The following NID2 variants were observed in gnomAD, a reference collection of about 807,000 sequenced individuals.
NID2 encodes nidogen-2.
A neutral mutation model predicts 145.4 loss-of-function variants in NID2; 83 were observed. The ratio of observed to expected loss-of-function variants is 0.57; its 90% CI spans 0.48 to 0.69. The LOEUF (loss-of-function observed/expected upper bound fraction) is 0.69. Among genes scored for constraint, NID2 ranks in the 30% least tolerant of loss-of-function variants. NID2 has a pLI of 0.00. For synonymous variants in NID2, 739 were observed against 701.3 expected (o/e 1.05, Z -0.85); for missense variants, 1,807 against 1,765.7 (o/e 1.02, Z -0.42).
intron 7 of NID2, 72 bp from the exon 8 acceptor site, chr14:52,040,923 C>T (rs561301533): frequency 1.7e-5 from 22 of 1,325,502 alleles, no homozygotes; most frequent in East Asian, 9.2e-5. Flanking sequence ...ATATACTGCC[C>T]GCTCCCAATT....
chr14:52,014,046 A>G (rs1372331196), intron 16 of NID2: 2 of 568,754 alleles, frequency 3.5e-6, no homozygotes, highest in Non-Finnish European at 6.3e-6. Context: ...TTCCCTTTCC[A>G]TATTATCTGA....
At chr14:52,054,393 G>A (rs557659911) in intron 3 of NID2, 72 bp from the exon 4 acceptor site, 41 of 1,449,304 alleles carry the variant, frequency 2.8e-5, no homozygotes, top group African/African-American at 4.2e-5. Flanking sequence ...CCTAGAAGGT[G>A]AACAACTTAT....
At chr14:52,027,056 G>A (rs1010335802) in intron 12 of NID2, 145 bp downstream of exon 12, 8 of 775,852 alleles carry the variant, frequency 1.0e-5, no homozygotes, top group Non-Finnish European at 1.3e-5. Context: ...TAACTCAAAG[G>A]ACGCTTTTTT....
chr14:52,008,618 A>G (rs1326485677), intron 18 of NID2: 1 of 152,210 alleles, frequency 6.6e-6, no homozygotes, highest in Non-Finnish European at 1.5e-5. Flanking sequence ...AGTCATTACT[A>G]AGTTACTATC....
At chr14:52,034,051 G>C (rs1384835930) in intron 9 of NID2, among the ~76,000 whole-genome samples, 1 of 152,144 alleles carries the variant, frequency 6.6e-6, no homozygotes, top group African/African-American at 2.4e-5. Flanking sequence ...TCATTGTGGG[G>C]ATTAAATGAG....
intron 14 of NID2, 48 bp from the exon 15 acceptor site, chr14:52,015,323 C>T (rs760237707): frequency 1.3e-6 from 2 of 1,541,166 alleles, no homozygotes; most frequent in Non-Finnish European, 8.9e-7. Context: ...GATTGTGAGT[C>T]AAGGACAGAA....
intron 13 of NID2, among the ~76,000 whole-genome samples, 160 bp from the exon 14 acceptor site, chr14:52,019,454 C>T (rs1442099985): frequency 6.6e-6 from 1 of 152,188 alleles, no homozygotes; most frequent in Non-Finnish European, 1.5e-5. Context: ...CATTTCTCTC[C>T]AGTTCTTCTA....
In NID2 at chr14:52,067,936, G is replaced by A; in HGVS notation, c.456C>T (p.Pro152=). ...CCCAGGTGGCCAGGAAGGCGTGGGT[G>A]GGGGTAAAGCGCGCAGAGCGCGGGA... is the stretch of plus-strand genomic sequence containing the variant. ...AGFPRSARFT[P]THAFLATWEQ... The change falls in exon 2 of 22, where the codon CCC becomes CCT. Residue 152 remains proline (P), a synonymous_variant. Coordinates refer to ENST00000216286, the MANE Select transcript of NID2 (RefSeq NM_007361.4). The A allele has an allele frequency of 1.2e-6, 2 of 1,612,176 alleles. No individual in the cohort carries two copies. Among genetic ancestry groups the A allele is most frequent in the Non-Finnish European group, 1.7e-6 (2 of 1,179,492 alleles).
intron 9 of NID2, among the ~76,000 whole-genome samples, chr14:52,030,903 G>T (rs1167916275): frequency 6.6e-6 from 1 of 152,166 alleles, no homozygotes; most frequent in Non-Finnish European, 1.5e-5. Context: ...GAGCATTTAT[G>T]TGTGAGGCAT....
At chr14:52,052,499 G>A (rs555797049) in intron 5 of NID2, among the ~76,000 whole-genome samples, 6 of 152,346 alleles carry the variant, frequency 3.9e-5, no homozygotes, top group African/African-American at 1.4e-4. Context: ...CACCCAGCAA[G>A]CTTGGCAGCC....
chr14:52,024,225 T>C (rs1436754954), intron 12 of NID2, among the ~76,000 whole-genome samples: 1 of 152,182 alleles, frequency 6.6e-6, no homozygotes, highest in Non-Finnish European at 1.5e-5. Context: ...GTATTCATGG[T>C]CTTGTGTAAT....
intron 13 of NID2, 87 bp from the exon 14 acceptor site, chr14:52,019,381 G>A (rs1891324409): frequency 9.4e-7 from 1 of 1,069,344 alleles, no homozygotes; most frequent in Non-Finnish European, 1.3e-6. Context: ...GCGTGGCATG[G>A]AAAAGCGCTG....
intron 5 of NID2, among the ~76,000 whole-genome samples, chr14:52,044,349 A>C (rs1467505934): frequency 7.0e-6 from 1 of 143,694 alleles, no homozygotes; most frequent in Non-Finnish European, 1.5e-5. Flanking sequence ...AGCTCACTGC[A>C]AGCTCCACCT....
chr14:52,068,235 G>A, intron 1 of NID2, 72 bp from the exon 2 acceptor site: 3 of 1,426,428 alleles, frequency 2.1e-6, no homozygotes, highest in Non-Finnish European at 2.9e-6. Flanking sequence ...CGCAGGGAGG[G>A]AAGGGAACTG....
intron 12 of NID2, among the ~76,000 whole-genome samples, chr14:52,024,446 G>C (rs909845354): frequency 3.3e-5 from 5 of 152,138 alleles, no homozygotes; most frequent in African/African-American, 9.7e-5. Flanking sequence ...TCAAAGAACC[G>C]AATCCTGCCC....
At chr14:52,061,795 A>G (rs1211363106) in intron 2 of NID2, among the ~76,000 whole-genome samples, 2 of 152,194 alleles carry the variant, frequency 1.3e-5, no homozygotes, top group Non-Finnish European at 2.9e-5. Flanking sequence ...CCTCCTAAAG[A>G]TCTGTGAACA....
chr14:52,016,940 G>A (rs139490942), intron 14 of NID2, among the ~76,000 whole-genome samples: 3 of 152,336 alleles, frequency 2.0e-5, no homozygotes, highest in Non-Finnish European at 2.9e-5. Flanking sequence ...ATTGGGGGAA[G>A]CGAATGCCGT....
intron 7 of NID2, among the ~76,000 whole-genome samples, chr14:52,041,721 A>G (rs1892286314): frequency 6.6e-6 from 1 of 152,146 alleles, no homozygotes; most frequent in Non-Finnish European, 1.5e-5. Flanking sequence ...GGAGGAGAAG[A>G]GCACCCCTTC....
rs754142142 is a variant in NID2, at chr14:52,014,459, G to A, written c.3251-3C>T. 1.9e-6 allele frequency: 3 copies of A among 1,603,672 alleles called. No individual in the cohort carries two copies. Among genetic ancestry groups the A allele is most frequent in the Non-Finnish European group, 1.7e-6 (2 of 1,174,274 alleles). ...GGGTGGAGCGACGGTGGGTATACCT[G>A]TGGGAGAGAGGGTGGGAGAGCAGGA... On this transcript the variant is annotated splice_polypyrimidine_tract_variant and splice_region_variant and intron_variant, in intron 15 of 21. Coordinates refer to ENST00000216286, the MANE Select transcript of NID2 (RefSeq NM_007361.4).
Sources: allele counts gnomAD v4.1 joint callset (sites outside exome capture counted in the v4.1 genomes callset), GRCh38; gene constraint gnomAD v4.1.1; transcripts MANE v1.5; gene names NCBI Gene and HGNC (gene_info 2026-07-23, HGNC 2026-07-21).